The following PRR5L variants were observed in gnomAD, a reference collection of about 807,000 sequenced individuals.
PRR5L encodes proline-rich protein 5-like.
A neutral mutation model predicts 36.4 loss-of-function variants in PRR5L; 21 were observed. The ratio of observed to expected loss-of-function variants is 0.58; its 90% CI spans 0.41 to 0.83. PRR5L has a LOEUF of 0.83. PRR5L is among the 40% of genes least tolerant of loss of function. The pLI, the probability that PRR5L is intolerant of heterozygous loss-of-function variation, is 0.00. For synonymous variants in PRR5L, 188 were observed against 197.0 expected (o/e 0.95, Z 0.38); for missense variants, 381 against 473.3 (o/e 0.80, Z 1.81).
chr11:36,409,954 G>A (rs927318728), intron 3 of PRR5L, among the ~76,000 whole-genome samples: 1 of 152,146 alleles, frequency 6.6e-6, no homozygotes, highest in African/African-American at 2.4e-5. Context: ...CACAGAGCTG[G>A]CATTATCCAG....
At chr11:36,324,314 A>G (rs890066910) in intron 1 of PRR5L, among the ~76,000 whole-genome samples, 1 of 152,230 alleles carries the variant, frequency 6.6e-6, no homozygotes, top group Non-Finnish European at 1.5e-5. Context: ...GCATCATTCA[A>G]TTTAGATAAT....
At chr11:36,310,895 G>T (rs1856494663) in intron 1 of PRR5L, among the ~76,000 whole-genome samples, 1 of 149,302 alleles carries the variant, frequency 6.7e-6, no homozygotes, top group Non-Finnish European at 1.5e-5. Context: ...TACTCGGGAG[G>T]CCAAGGCAAG....
rs939007297 is a variant in PRR5L at position 36,377,440 on chromosome 11, A to C, written c.-125-23557A>C. 1 of 152,222 alleles carries C rather than the reference A, an allele frequency of 6.6e-6. No homozygotes were observed. The highest frequency in any genetic ancestry group is 1.5e-5 in the Non-Finnish European group (1 of 68,064). 9.4% of individuals were successfully genotyped at this position (152,222 alleles called of 1,614,324 possible). The stretch of plus-strand genomic sequence containing the variant: ...TCCTCTGCGCGCTTACTGTGCGCGC[A>C]TGCCGGGCTCGCTGCACGCAGGGGG... On this transcript the variant is annotated intron_variant, in intron 1 of 8. Transcript: ENST00000530639. This position sits in a 1 kb window ranked among gnomAD's most constrained non-coding sequence, Gnocchi z 5.1.
At chr11:36,383,727 G>T (rs577579454) in intron 1 of PRR5L, among the ~76,000 whole-genome samples, 1 of 128,786 alleles carries the variant, frequency 7.8e-6, no homozygotes, top group Non-Finnish European at 1.6e-5. Flanking sequence ...ATGGAGTCTC[G>T]CTCTGTCACC....
intron 6 of PRR5L, among the ~76,000 whole-genome samples, chr11:36,445,984 CTCTT>C (rs1315268376): frequency 1.3e-5 from 2 of 152,140 alleles, no homozygotes; most frequent in African/African-American, 4.8e-5. Flanking sequence ...TATTGATCTT[CTCTT>C]TGTTTCTCCC....
At chr11:36,376,381 C>G (rs1466988046) in intron 1 of PRR5L, 4 of 1,147,952 alleles carry the variant, frequency 3.5e-6, no homozygotes, top group Non-Finnish European at 4.3e-6. Context: ...AGGAGGCGGC[C>G]GTAAGATGAG....
intron 1 of PRR5L, among the ~76,000 whole-genome samples, chr11:36,319,909 G>T (rs569082506): frequency 6.6e-6 from 1 of 152,118 alleles, no homozygotes; most frequent in African/African-American, 2.4e-5. Context: ...CCAGGGGAGG[G>T]GGATTTACCA....
intron 3 of PRR5L, among the ~76,000 whole-genome samples, chr11:36,417,886 A>T (rs1247392287): frequency 6.6e-6 from 1 of 152,212 alleles, no homozygotes; most frequent in Non-Finnish European, 1.5e-5. Context: ...AAAGAAAGTC[A>T]TTTGAAATCA....
chr11:36,446,335 G>T lies in PRR5L; in HGVS notation c.480G>T (p.Leu160=), dbSNP rs1265684729. 1 of 1,614,050 alleles carries T rather than the reference G, an allele frequency of 6.2e-7. No individual in the cohort carries two copies. The highest frequency in any genetic ancestry group is 1.1e-5 in the South Asian group (1 of 91,078). The change falls in exon 7 of 9, where the codon CTG becomes CTT. Residue 160 remains leucine (L), a synonymous_variant. Coordinates refer to ENST00000530639, the MANE Select transcript of PRR5L (RefSeq NM_001160167.2). ...TGACTATCCGCCAGATCTCCCTGCT[G>T]GGCTTCCGAGACCTAGTCTTGCTGA... ...QELTIRQISL[L]GFRDLVLLKV...
At chr11:36,395,443 T>C (rs1857638681) in intron 1 of PRR5L, among the ~76,000 whole-genome samples, 1 of 152,222 alleles carries the variant, frequency 6.6e-6, no homozygotes, top group Admixed American at 6.5e-5. Flanking sequence ...CTAGCCACAT[T>C]TCAAGTTCTC....
chr11:36,366,190 C>T (rs950493564), intron 1 of PRR5L, among the ~76,000 whole-genome samples: 47 of 152,284 alleles, frequency 3.1e-4, no homozygotes, highest in African/African-American at 1.0e-3. Context: ...TGGGAAATGA[C>T]TAAGCTGTTT....
chr11:36,322,765 G>A (rs1193835197), intron 1 of PRR5L, among the ~76,000 whole-genome samples: 5 of 152,296 alleles, frequency 3.3e-5, no homozygotes, highest in Middle Eastern at 3.4e-3. Flanking sequence ...ACCCACAAAA[G>A]ATACGGTGAA....
intron 3 of PRR5L, among the ~76,000 whole-genome samples, chr11:36,405,668 G>T (rs971520745): frequency 1.3e-5 from 2 of 152,238 alleles, no homozygotes; most frequent in African/African-American, 4.8e-5. Flanking sequence ...GATACCTGTA[G>T]TAGTCTACCG....
chr11:36,298,140 A>C (rs1377502407), intron 1 of PRR5L, among the ~76,000 whole-genome samples: 1 of 152,170 alleles, frequency 6.6e-6, no homozygotes, highest in Admixed American at 6.5e-5. Flanking sequence ...GCATCTAAGC[A>C]GTGCCGTATT....
intron 1 of PRR5L, among the ~76,000 whole-genome samples, chr11:36,388,741 C>G (rs1857505140): frequency 7.4e-6 from 1 of 135,446 alleles, no homozygotes; most frequent in Admixed American, 8.3e-5. Context: ...CTCTGTCGCC[C>G]AGGCTGGAAT....
chr11:36,337,588 G>A (rs1310207814), intron 1 of PRR5L, among the ~76,000 whole-genome samples: 1 of 152,166 alleles, frequency 6.6e-6, no homozygotes. Context: ...ACAGGTTTCA[G>A]CACATGCTCA....
chr11:36,300,200 G>C (rs1329131336), intron 1 of PRR5L, among the ~76,000 whole-genome samples: 2 of 152,064 alleles, frequency 1.3e-5, no homozygotes, highest in Non-Finnish European at 2.9e-5. Flanking sequence ...AGGTTTATTT[G>C]GCTCACGTTT....
chr11:36,362,154 C>T (rs751531053), intron 1 of PRR5L: 15 of 151,664 alleles, frequency 9.9e-5, no homozygotes, highest in Non-Finnish European at 1.8e-4. Context: ...CCGGCTCCGT[C>T]CTGAAAACAG....
intron 4 of PRR5L, among the ~76,000 whole-genome samples, chr11:36,424,602 G>A (rs1482085239): frequency 2.0e-5 from 3 of 152,192 alleles, no homozygotes; most frequent in Admixed American, 1.3e-4. Flanking sequence ...AAAGCAATAA[G>A]GTGACTTTCT....
Sources: gnomAD v4.1 joint callset for allele counts (sites outside exome capture counted in the v4.1 genomes callset) on GRCh38, gnomAD v4.1.1 for gene constraint, Gnocchi (gnomAD v3.1) non-coding constraint, MANE v1.5 for transcripts, NCBI Gene and HGNC (gene_info 2026-07-23, HGNC 2026-07-21) for gene names.